The following COG5 variants were observed in gnomAD, a reference collection of about 807,000 sequenced individuals.
COG5 encodes component of oligomeric golgi complex 5, also known as conserved oligomeric Golgi complex subunit 5.
A neutral mutation model predicts 110.4 loss-of-function variants in COG5; 86 were observed. The observed-to-expected ratio is 0.78, with a 90% CI of 0.65 to 0.93. The LOEUF (loss-of-function observed/expected upper bound fraction) is 0.93. Among genes scored for constraint, COG5 ranks in the 40% least tolerant of loss-of-function variants. The pLI, the probability that COG5 is intolerant of heterozygous loss-of-function variation, is 0.00. For missense variants in COG5, 1,077 were observed against 987.0 expected, an observed-to-expected ratio of 1.09 and a Z score of -1.22; for synonymous variants, 360 against 334.6, an observed-to-expected ratio of 1.08 and a Z score of -0.83.
At chr7:107,558,823 G>C (rs559508963) in intron 1 of COG5, among the ~76,000 whole-genome samples, 1 of 147,138 alleles carries the variant, frequency 6.8e-6, no homozygotes, top group Non-Finnish European at 1.5e-5. Flanking sequence ...GGGAGGCGGA[G>C]CTTGCAGTGA....
At chr7:107,362,931 T>C (rs1009890813) in intron 8 of COG5, among the ~76,000 whole-genome samples, 21 of 152,150 alleles carry the variant, frequency 1.4e-4, no homozygotes, top group African/African-American at 5.1e-4. Context: ...ATTCACGGAA[T>C]TTTTACTTAC....
At chr7:107,211,745 A>G (rs544304831) in intron 19 of COG5, among the ~76,000 whole-genome samples, 1 of 152,326 alleles carries the variant, frequency 6.6e-6, no homozygotes, top group African/African-American at 2.4e-5. Context: ...TCAAAAATTT[A>G]TGCTAGCTCC....
chr7:107,409,667 G>A (rs556466963), intron 7 of COG5, among the ~76,000 whole-genome samples: 1 of 152,322 alleles, frequency 6.6e-6, no homozygotes, highest in East Asian at 1.9e-4. Context: ...TGAAGATTCA[G>A]ATAAGCCAAA....
chr7:107,222,203 C>A (rs1297055815), intron 19 of COG5, among the ~76,000 whole-genome samples: 3 of 151,872 alleles, frequency 2.0e-5, no homozygotes, highest in East Asian at 1.9e-4. Context: ...ACCTGTCCCC[C>A]CCTTTTTTTT....
At chr7:107,378,983 G>A (rs1562999178) in intron 7 of COG5, among the ~76,000 whole-genome samples, 1 of 152,190 alleles carries the variant, frequency 6.6e-6, no homozygotes, top group Non-Finnish European at 1.5e-5. Context: ...ATTCACCAAA[G>A]TTGAAATGAA....
intron 12 of COG5, among the ~76,000 whole-genome samples, chr7:107,287,443 G>A (rs947755179): frequency 6.6e-6 from 1 of 152,124 alleles, no homozygotes; most frequent in Non-Finnish European, 1.5e-5. Context: ...TTTGACACAA[G>A]TGACTCCATG....
chr7:107,272,892 T>C (rs58938893), intron 14 of COG5, among the ~76,000 whole-genome samples: 8 of 152,340 alleles, frequency 5.3e-5, no homozygotes, highest in African/African-American at 1.7e-4. Flanking sequence ...GCTACATGTC[T>C]GATACAGCAA....
chr7:107,424,839 A>G (rs994900155), intron 6 of COG5, among the ~76,000 whole-genome samples: 4 of 152,178 alleles, frequency 2.6e-5, no homozygotes, highest in Non-Finnish European at 5.9e-5. Context: ...ACTTGATCAC[A>G]TAATTCTTAA....
chr7:107,312,396 G>C (rs1808346048), intron 11 of COG5, among the ~76,000 whole-genome samples: 1 of 152,172 alleles, frequency 6.6e-6, no homozygotes, highest in African/African-American at 2.4e-5. Flanking sequence ...TAAGCTAGTA[G>C]ATGAGCCATT....
intron 5 of COG5, among the ~76,000 whole-genome samples, chr7:107,533,139 T>A (rs543883976): frequency 2.0e-5 from 3 of 151,200 alleles, no homozygotes; most frequent in African/African-American, 7.4e-5. Context: ...AACACCAACA[T>A]CATGCAAAAA....
chr7:107,363,391 T>C (rs1813299364), intron 8 of COG5, among the ~76,000 whole-genome samples: 2 of 152,200 alleles, frequency 1.3e-5, no homozygotes, highest in Admixed American at 1.3e-4. Flanking sequence ...TCAAGTTGAC[T>C]GGAGGGGGCT....
At chr7:107,550,014 C>G (rs1802771916) in intron 3 of COG5, among the ~76,000 whole-genome samples, 1 of 151,660 alleles carries the variant, frequency 6.6e-6, no homozygotes, top group South Asian at 2.1e-4. Flanking sequence ...TCCTCTTTCT[C>G]TCTCTTCCCC....
intron 11 of COG5, among the ~76,000 whole-genome samples, chr7:107,317,367 A>T (rs990525128): frequency 2.6e-5 from 4 of 152,182 alleles, no homozygotes; most frequent in Admixed American, 6.5e-5. Flanking sequence ...AGATGTGCAA[A>T]GGGTTCCCTT....
intron 16 of COG5, among the ~76,000 whole-genome samples, chr7:107,256,139 T>C (rs1377812672): frequency 2.6e-5 from 4 of 152,124 alleles, no homozygotes; most frequent in Non-Finnish European, 5.9e-5. Context: ...TCCTAAATAA[T>C]AGAAAGGGGG....
At chr7:107,355,060 T>C (rs748545983) in intron 10 of COG5, among the ~76,000 whole-genome samples, 3 of 152,220 alleles carry the variant, frequency 2.0e-5, no homozygotes, top group Admixed American at 6.5e-5. Context: ...AGACTGACTA[T>C]AAAATATAAC....
chr7:107,349,186 T>C (rs977889720), intron 10 of COG5, among the ~76,000 whole-genome samples: 1 of 152,240 alleles, frequency 6.6e-6, no homozygotes, highest in Non-Finnish European at 1.5e-5. Flanking sequence ...CTTTTATATA[T>C]TGACTTAGCC....
chr7:107,502,639 T>C (rs981609160), intron 6 of COG5, among the ~76,000 whole-genome samples: 11 of 151,952 alleles, frequency 7.2e-5, no homozygotes, highest in Non-Finnish European at 1.5e-4. Flanking sequence ...TTCCCACCAG[T>C]AGTGTATAAG....
Position 107,266,493 on chromosome 7 carries a change from T to C in COG5, c.1576-8110A>G, listed in dbSNP as rs1803814210. 3.9e-5 allele frequency among the ~76,000 whole-genome samples: 6 copies of C among 152,190 alleles called. No homozygotes were observed. The South Asian group carries it at 1.2e-3, about 31-fold the overall frequency. ...CCAAGCTTAGCAGGGTATATATAGC[T>C]GCATTCCCCTTCATTCATTAAACAA... On this transcript the variant is annotated intron_variant, in intron 14 of 21. Coordinates refer to ENST00000297135, the MANE Select transcript of COG5 (RefSeq NM_006348.5).
intron 21 of COG5, chr7:107,208,739 A>G (rs751705406): frequency 1.9e-4 from 185 of 985,308 alleles, no homozygotes; most frequent in Non-Finnish European, 2.2e-4. Flanking sequence ...GCAGGGTCCG[A>G]GCTAATCTTT....
Sources: gnomAD v4.1 joint callset for allele counts (sites outside exome capture counted in the v4.1 genomes callset) on GRCh38, gnomAD v4.1.1 for gene constraint, MANE v1.5 for transcripts, NCBI Gene and HGNC (gene_info 2026-07-23, HGNC 2026-07-21) for gene names.